AKAP6: variants seen among roughly 807,000 people sequenced by gnomAD.
AKAP6 encodes A-kinase anchor protein 6.
AKAP6 carries 58 observed loss-of-function variants against 188.5 expected under a neutral mutation model. The ratio of observed to expected loss-of-function variants is 0.31; its 90% CI spans 0.25 to 0.38. The LOEUF (loss-of-function observed/expected upper bound fraction) is 0.38, where lower values mean the gene tolerates loss of function less well. Among genes scored for constraint, AKAP6 ranks in the 10% least tolerant of loss-of-function variants. AKAP6 has a pLI of 1.00. For missense variants in AKAP6, 2,710 were observed against 2,740.0 expected, an observed-to-expected ratio of 0.99 and a Z score of 0.24; for synonymous variants, 989 against 998.6, an observed-to-expected ratio of 0.99 and a Z score of 0.18.
chr14:32,360,219 G>A (rs1041923387), intron 1 of AKAP6, among the ~76,000 whole-genome samples: 36 of 151,582 alleles, frequency 2.4e-4, no homozygotes, highest in East Asian at 3.9e-4. Flanking sequence ...CCTCCGCCTC[G>A]TGGGTTCAAG....
intron 8 of AKAP6, among the ~76,000 whole-genome samples, chr14:32,695,072 G>C (rs912088281): frequency 1.3e-5 from 2 of 152,136 alleles, no homozygotes; most frequent in African/African-American, 4.8e-5. Context: ...TTATTCACCA[G>C]GCTTTCAATA....
intron 2 of AKAP6, among the ~76,000 whole-genome samples, chr14:32,488,032 G>A: frequency 6.6e-6 from 1 of 152,206 alleles, no homozygotes; most frequent in East Asian, 1.9e-4. Context: ...GAGGCAGTCT[G>A]TCCCTTATCA....
chr14:32,721,338 C>T (rs191995053), intron 9 of AKAP6, among the ~76,000 whole-genome samples: 14 of 152,214 alleles, frequency 9.2e-5, no homozygotes, highest in Admixed American at 9.2e-4. Context: ...TGCACATCTT[C>T]GATATCTACC....
At position 32,823,681 on chromosome 14, in the gene AKAP6, T is replaced by A. The variant is rs775378797; in HGVS notation, c.5868T>A (p.Asp1956Glu). 2.5e-6 allele frequency: 4 copies of A among 1,613,724 alleles called. No individual in the cohort carries two copies. Among genetic ancestry groups the A allele is most frequent in the Non-Finnish European group, 3.4e-6 (4 of 1,179,900 alleles). The change falls in exon 13 of 14, where the codon GAT becomes GAA. Residue 1956 changes from aspartate (D) to glutamate (E), a missense_variant. Coordinates refer to ENST00000280979, the MANE Select transcript of AKAP6 (RefSeq NM_004274.5). Reference sequence around the variant, plus strand: ...CTGGCAAGGAATTTGTTTCCCAAGATGTTAGACATCTTCCAAAGAAATGTC... The same window carrying A: ...CTGGCAAGGAATTTGTTTCCCAAGAAGTTAGACATCTTCCAAAGAAATGTC... ...NTAGKEFVSQ[D>E]VRHLPKKCPN...
intron 2 of AKAP6, among the ~76,000 whole-genome samples, chr14:32,519,501 C>T (rs1307686240): frequency 6.6e-6 from 1 of 151,832 alleles, no homozygotes; most frequent in African/African-American, 2.4e-5. Context: ...TGGAGGAAGA[C>T]CTACCAAGCA....
At chr14:32,593,542 A>G (rs1885570450) in intron 5 of AKAP6, among the ~76,000 whole-genome samples, 1 of 152,190 alleles carries the variant, frequency 6.6e-6, no homozygotes, top group Non-Finnish European at 1.5e-5. Flanking sequence ...TGAGAGACAG[A>G]GCTGCCCTTG....
chr14:32,601,490 A>G (rs1323043843), intron 7 of AKAP6, among the ~76,000 whole-genome samples: 1 of 152,188 alleles, frequency 6.6e-6, no homozygotes, highest in Non-Finnish European at 1.5e-5. Context: ...ACAGACTGGC[A>G]CTGTTCTAAA....
At chr14:32,402,677 C>T (rs1181242578) in intron 1 of AKAP6, among the ~76,000 whole-genome samples, 1 of 151,826 alleles carries the variant, frequency 6.6e-6, no homozygotes, top group Admixed American at 6.6e-5. Context: ...ACAAGATCCA[C>T]TGCAGTGTTT....
At chr14:32,669,551 T>TA (rs1277796727) in intron 7 of AKAP6, among the ~76,000 whole-genome samples, 2 of 152,046 alleles carry the variant, frequency 1.3e-5, no homozygotes, top group African/African-American at 4.8e-5. Flanking sequence ...AGTGGAAAGG[T>TA]AATAATTCTA....
intron 2 of AKAP6, among the ~76,000 whole-genome samples, chr14:32,462,901 CAAAAAAAAAAA>C (rs71143943): frequency 1.1e-4 from 1 of 8,822 alleles, no homozygotes; most frequent in Admixed American, 1.7e-3. Context: ...AAATGGAAAG[CAAAAAAAAAAA>C]AAAAAAAAAA....
intron 12 of AKAP6, among the ~76,000 whole-genome samples, chr14:32,797,729 T>C (rs1407693318): frequency 6.6e-6 from 1 of 151,944 alleles, no homozygotes; most frequent in African/African-American, 2.4e-5. Context: ...GGCACATGTT[T>C]ACCTATGTAG....
intron 11 of AKAP6, among the ~76,000 whole-genome samples, chr14:32,761,609 G>A (rs998759373): frequency 2.6e-5 from 4 of 152,210 alleles, no homozygotes; most frequent in Middle Eastern, 3.4e-3. Context: ...GAGTCAGGTC[G>A]CCTGTGTGTT....
chr14:32,734,936 C>T (rs938234860), intron 10 of AKAP6, among the ~76,000 whole-genome samples: 1 of 152,030 alleles, frequency 6.6e-6, no homozygotes, highest in Non-Finnish European at 1.5e-5. Context: ...GAAAACAGCC[C>T]TCCCCGACAA....
chr14:32,517,990 A>G (rs533028711), intron 2 of AKAP6, among the ~76,000 whole-genome samples: 133 of 152,296 alleles, frequency 8.7e-4, no homozygotes, highest in Middle Eastern at 6.8e-3. Flanking sequence ...CCCCTCTGAG[A>G]CGAAGCTTCC....
At chr14:32,491,962 A>G (rs1880038811) in intron 2 of AKAP6, among the ~76,000 whole-genome samples, 1 of 152,148 alleles carries the variant, frequency 6.6e-6, no homozygotes, top group Non-Finnish European at 1.5e-5. Flanking sequence ...ATTAAGATAC[A>G]TGCAACCTGT....
chr14:32,423,097 G>A (rs538672980), intron 1 of AKAP6, among the ~76,000 whole-genome samples: 1 of 152,244 alleles, frequency 6.6e-6, no homozygotes, highest in African/African-American at 2.4e-5. Flanking sequence ...TTTCTGGAAG[G>A]AGAAAAATTA....
rs71432082 is a variant in AKAP6, at chr14:32,751,498, C to CTTTTTTTTTT, written c.3372+15624_3372+15633dup. ...AGGACTAGGTATCTGTCTCTTTTCA[C>CTTTTTTTTTT]TTTTTTTTTTTTTTTTTGCTGGGAA... On this transcript the variant is annotated intron_variant, in intron 11 of 13. Coordinates refer to ENST00000280979, the MANE Select transcript of AKAP6 (RefSeq NM_004274.5). Among the ~76,000 whole-genome samples the CTTTTTTTTTT allele has an allele frequency of 1.6e-5, 2 of 122,546 alleles. 1 individual carries two copies. Among genetic ancestry groups the CTTTTTTTTTT allele is most frequent in the Non-Finnish European group, 3.3e-5 (2 of 60,650 alleles). The allele number at this position is 122,546 out of a possible 152,430, so 80.4% of individuals were successfully genotyped here.
chr14:32,596,152 G>A (rs1885693388), intron 5 of AKAP6, among the ~76,000 whole-genome samples: 1 of 152,078 alleles, frequency 6.6e-6, no homozygotes, highest in Non-Finnish European at 1.5e-5. Context: ...AACCACTCTG[G>A]ACATTTAAGC....
At chr14:32,789,902 G>A (rs1461457429) in intron 12 of AKAP6, among the ~76,000 whole-genome samples, 2 of 152,156 alleles carry the variant, frequency 1.3e-5, no homozygotes, top group African/African-American at 2.4e-5. Context: ...GGCTTCAGGA[G>A]GTGGGTAATA....
Sources: allele counts gnomAD v4.1 joint callset (sites outside exome capture counted in the v4.1 genomes callset), GRCh38; gene constraint gnomAD v4.1.1; transcripts MANE v1.5; gene names NCBI Gene and HGNC (gene_info 2026-07-23, HGNC 2026-07-21).